The following TMPRSS11A variants were observed in gnomAD, a reference collection of about 807,000 sequenced individuals.
TMPRSS11A encodes transmembrane serine protease 11A.
TMPRSS11A carries 53 observed loss-of-function variants against 58.9 expected under a neutral mutation model. The observed-to-expected ratio is 0.90, with a 90% CI of 0.72 to 1.13. TMPRSS11A has a LOEUF of 1.13. TMPRSS11A is among the 50% of genes most tolerant of loss of function. The probability of loss-of-function intolerance (pLI) is 0.00; values close to 1 mark genes in which losing one functional copy is unlikely to be tolerated. For synonymous variants in TMPRSS11A, 167 were observed against 169.8 expected (o/e 0.98, Z 0.13); for missense variants, 493 against 499.3 (o/e 0.99, Z 0.12).
At chr4:67,929,703 T>C (rs1470297809) in intron 5 of TMPRSS11A, among the ~76,000 whole-genome samples, 177 bp downstream of exon 5, 2 of 152,176 alleles carry the variant, frequency 1.3e-5, no homozygotes, top group Non-Finnish European at 2.9e-5. Context: ...ATGACTAACT[T>C]CAGACATGCT....
intron 1 of TMPRSS11A, among the ~76,000 whole-genome samples, chr4:67,951,400 A>G (rs1721157345): frequency 6.6e-6 from 1 of 152,174 alleles, no homozygotes. Flanking sequence ...TAAGTTGGCA[A>G]CTTCTGTGTA....
chr4:67,928,353 ACT>A (rs1415944506), intron 5 of TMPRSS11A, among the ~76,000 whole-genome samples: 1 of 152,090 alleles, frequency 6.6e-6, no homozygotes, highest in Non-Finnish European at 1.5e-5. Flanking sequence ...GCCTCAGGTG[ACT>A]CTCAAATCAG....
Position 67,914,721 on chromosome 4 carries a change from T to C in TMPRSS11A, c.962A>G (p.Gln321Arg). 1.2e-6 allele frequency: 2 copies of C among 1,612,990 alleles called. No individual in the cohort carries two copies. The highest frequency in any genetic ancestry group is 1.7e-6 in the Non-Finnish European group (2 of 1,179,392). The change falls in exon 9 of 10, where the codon CAA becomes CGA. Residue 321 changes from glutamine to arginine, a missense_variant. Coordinates refer to ENST00000508048, the MANE Select transcript of TMPRSS11A (RefSeq NM_001114387.2). ...FGALYYGGES[Q>R]NDLREARVKI... ...CACTCTGGCTTCTCGGAGATCATTT[T>C]GGGATTCCCCTTAAGGAAAAATAGA...
chr4:67,916,783 C>G (rs776456005), intron 8 of TMPRSS11A, among the ~76,000 whole-genome samples: 1 of 151,888 alleles, frequency 6.6e-6, no homozygotes, highest in African/African-American at 2.4e-5. Flanking sequence ...GCCGAGATCA[C>G]GCCACTGCAC....
At chr4:67,945,882 T>C (rs1720991359) in intron 2 of TMPRSS11A, among the ~76,000 whole-genome samples, 1 of 152,208 alleles carries the variant, frequency 6.6e-6, no homozygotes, top group South Asian at 2.1e-4. Context: ...GATAAAAATA[T>C]AATCCCTGAA....
intron 3 of TMPRSS11A, among the ~76,000 whole-genome samples, chr4:67,939,981 G>A (rs1720841819): frequency 6.6e-6 from 1 of 152,170 alleles, no homozygotes; most frequent in South Asian, 2.1e-4. Context: ...GAGCCACCAT[G>A]CCTGGCTAAT....
intron 1 of TMPRSS11A, among the ~76,000 whole-genome samples, chr4:67,960,692 T>C (rs1721401309): frequency 1.3e-5 from 2 of 152,172 alleles, no homozygotes; most frequent in Non-Finnish European, 2.9e-5. Context: ...GAAGGTATAA[T>C]TTTAGAATAT....
intron 3 of TMPRSS11A, among the ~76,000 whole-genome samples, chr4:67,943,791 T>A (rs1020617099): frequency 6.6e-6 from 1 of 152,126 alleles, no homozygotes; most frequent in African/African-American, 2.4e-5. Context: ...AAATGGTAGA[T>A]GATTTGGGAA....
rs190772151 is a variant in TMPRSS11A at position 67,931,848 on chromosome 4, T to C, written c.320+145A>G. On this transcript the variant is annotated intron_variant, in intron 4 of 9. Transcript: ENST00000508048. ...GACAAAACGGTGGTCAGCCCTATAC[T>C]TCAAGACTGCTTTAAAGGTAATGTT... The C allele has an allele frequency of 7.1e-5, 41 of 580,892 alleles. No homozygotes were observed. In the East Asian group the frequency reaches 1.1e-3, roughly 15 times the overall value. The allele number at this position is 580,892 out of a possible 1,614,324, so 36.0% of individuals were successfully genotyped here. A position where few individuals can be genotyped will look rare whatever the true frequency, so the allele number is the denominator to read the frequency against.
At chr4:67,930,376 C>T (rs921401000) in intron 4 of TMPRSS11A, among the ~76,000 whole-genome samples, 7 of 152,158 alleles carry the variant, frequency 4.6e-5, no homozygotes, top group African/African-American at 1.7e-4. Context: ...ACCTGAATCA[C>T]TTCTACAGGG....
chr4:67,952,377 T>C (rs1438666928), intron 1 of TMPRSS11A, among the ~76,000 whole-genome samples: 2 of 152,210 alleles, frequency 1.3e-5, no homozygotes, highest in African/African-American at 4.8e-5. Context: ...AAATGAATAA[T>C]TGTGGAACTT....
intron 3 of TMPRSS11A, among the ~76,000 whole-genome samples, chr4:67,938,819 G>T (rs560953634): frequency 2.0e-4 from 30 of 150,088 alleles, no homozygotes; most frequent in Admixed American, 3.3e-4. Flanking sequence ...TAGCCTTAAA[G>T]TATAGTTTGA....
At chr4:67,941,615 ACTC>A (rs908749774) in intron 3 of TMPRSS11A, among the ~76,000 whole-genome samples, 1 of 152,182 alleles carries the variant, frequency 6.6e-6, no homozygotes, top group African/African-American at 2.4e-5. Flanking sequence ...CATGCAATGA[ACTC>A]AATAATAATA....
chr4:67,922,861 C>T lies in TMPRSS11A; in HGVS notation c.586G>A (p.Ala196Thr). 1 of 1,614,130 alleles carries T rather than the reference C, an allele frequency of 6.2e-7. No individual in the cohort carries two copies. Among genetic ancestry groups the T allele is most frequent in the South Asian group, 1.1e-5 (1 of 91,078 alleles). Reference protein sequence around the residue: ...RIASGVIAPKAAWPWQASLQY... With the variant: ...RIASGVIAPKTAWPWQASLQY... ...AGGGAAGCTTGCCAAGGCCAGGCCGCCTTGGGTGCAATGACTCCAGATGCT... is the reference window on the plus strand; with the variant it reads ...AGGGAAGCTTGCCAAGGCCAGGCCGTCTTGGGTGCAATGACTCCAGATGCT... The change falls in exon 7 of 10, where the codon GCG (alanine) becomes ACG (threonine). Residue 196 changes from alanine (A) to threonine (T), a missense_variant. Ala to Thr is a moderately conservative substitution (Grantham distance 58, BLOSUM62 0). Transcript: ENST00000508048.
chr4:67,958,171 C>G lies in TMPRSS11A; in HGVS notation c.11+5212G>C, dbSNP rs375720208. On this transcript the variant is annotated intron_variant, in intron 1 of 9. Coordinates refer to ENST00000508048, the MANE Select transcript of TMPRSS11A (RefSeq NM_001114387.2). ...GCAGAAGTGAACTATCAAGTCAGAGCCTCCACACAAAGTCCCTACTGGGGT... is the reference window on the plus strand; with the variant it reads ...GCAGAAGTGAACTATCAAGTCAGAGGCTCCACACAAAGTCCCTACTGGGGT... 5.5e-4 allele frequency among the ~76,000 whole-genome samples: 84 copies of G among 152,304 alleles called. 1 individual carries two copies. The highest frequency in any genetic ancestry group is 1.7e-3 in the African/African-American group (69 of 41,560).
At position 67,963,476 on chromosome 4, in the gene TMPRSS11A, A is replaced by C; in HGVS notation, c.-83T>G. The C allele has an allele frequency of 1.4e-6, 2 of 1,434,342 alleles. No homozygotes were observed. Among genetic ancestry groups the C allele is most frequent in the Non-Finnish European group, 1.9e-6 (2 of 1,031,580 alleles). 88.9% of individuals were successfully genotyped at this position (1,434,342 alleles called of 1,614,324 possible). ...TCAACTATATGACATCTCTAGATGTATTAGAAGTCTACGGCTCAAAGAAAT... is the reference window on the plus strand; with the variant it reads ...TCAACTATATGACATCTCTAGATGTCTTAGAAGTCTACGGCTCAAAGAAAT... On this transcript the variant is annotated 5_prime_UTR_variant, in exon 1 of 10. Transcript: ENST00000508048.
At chr4:67,961,924 T>A (rs763654413) in intron 1 of TMPRSS11A, among the ~76,000 whole-genome samples, 81 of 152,296 alleles carry the variant, frequency 5.3e-4, no homozygotes, top group Admixed American at 1.2e-3. Flanking sequence ...AATATATTAA[T>A]GTTCATAGAA....
rs531849276 is a variant in TMPRSS11A, at chr4:67,915,743, G to A, written c.953-1013C>T. ...AAGGAATTCTGCCAGCAAACCTTGA[G>A]GAGACCTTCAAAGGAGCCACAGATG... is the stretch of plus-strand genomic sequence containing the variant. On this transcript the variant is annotated intron_variant, in intron 8 of 9. Transcript: ENST00000508048. Among the ~76,000 whole-genome samples the A allele has an allele frequency of 1.6e-4, 25 of 152,216 alleles. No homozygotes were observed. The South Asian group carries it at 2.5e-3, about 15-fold the overall frequency.
chr4:67,954,723 A>G (rs1474382592), intron 1 of TMPRSS11A, among the ~76,000 whole-genome samples: 2 of 152,234 alleles, frequency 1.3e-5, no homozygotes, highest in African/African-American at 4.8e-5. Context: ...GTGGTATAGC[A>G]TTAACAATAA....
Sources: gnomAD v4.1 joint callset for allele counts (sites outside exome capture counted in the v4.1 genomes callset) on GRCh38, gnomAD v4.1.1 for gene constraint, MANE v1.5 for transcripts, NCBI Gene and HGNC (gene_info 2026-07-23, HGNC 2026-07-21) for gene names.